The following SHISA6 variants were observed in gnomAD, a reference collection of about 807,000 sequenced individuals.
The protein encoded by SHISA6 is shisa family member 6.
A neutral mutation model predicts 47.9 loss-of-function variants in SHISA6; 22 were observed. The observed-to-expected ratio is 0.46, with a 90% CI of 0.33 to 0.66. The LOEUF is 0.66. SHISA6 is among the 30% of genes least tolerant of loss of function. The pLI is 0.02. For synonymous variants in SHISA6, 388 were observed against 337.8 expected, an observed-to-expected ratio of 1.15 and a Z score of -1.63; for missense variants, 680 against 764.6, an observed-to-expected ratio of 0.89 and a Z score of 1.30.
intron 3 of SHISA6, among the ~76,000 whole-genome samples, chr17:11,472,095 T>C (rs1606582): frequency 0.71 from 107,680 of 151,926 alleles, 38,931 homozygotes; most frequent in African/African-American, 0.85. Flanking sequence ...CACCTGTTCA[T>C]CCCCCGTTTT....
At chr17:11,357,209 TGAA>T (rs888640984) in intron 2 of SHISA6, among the ~76,000 whole-genome samples, 39 of 71,208 alleles carry the variant, frequency 5.5e-4, no homozygotes, top group South Asian at 5.1e-4. Flanking sequence ...AAAAAAAAAA[TGAA>T]GAAGAAGAAG....
Position 11,525,647 on chromosome 17 carries a change from AAAAAC to A in SHISA6, c.896-26244_896-26240del, listed in dbSNP as rs774440486. Among the ~76,000 whole-genome samples the A allele has an allele frequency of 9.3e-3, 499 of 53,416 alleles. 6 individuals carry two copies. The highest frequency in any genetic ancestry group is 0.023 in the African/African-American group (265 of 11,724). 35.0% of individuals were successfully genotyped at this position (53,416 alleles called of 152,430 possible). A position where few individuals can be genotyped will look rare whatever the true frequency, so the allele number is the denominator to read the frequency against. On this transcript the variant is annotated intron_variant, in intron 3 of 5. Coordinates refer to ENST00000441885, the MANE Select transcript of SHISA6 (RefSeq NM_207386.4). ...ACTCCGTCTCAAAAAAAAAAAAAAAAAAAACAAAAAAAAAAAAACGTGTTATAATA... is the reference window on the plus strand; with the variant it reads ...ACTCCGTCTCAAAAAAAAAAAAAAAAAAAAAAAAAAAAACGTGTTATAATA...
chr17:11,433,589 A>G (rs1914851610), intron 3 of SHISA6, among the ~76,000 whole-genome samples: 1 of 152,130 alleles, frequency 6.6e-6, no homozygotes, highest in Non-Finnish European at 1.5e-5. Flanking sequence ...GCGTTTCCTC[A>G]AGGATCTAGA....
intron 1 of SHISA6, among the ~76,000 whole-genome samples, chr17:11,253,454 A>T (rs1468628850): frequency 2.0e-5 from 3 of 152,194 alleles, no homozygotes; most frequent in East Asian, 3.8e-4. Context: ...GACAGTTGGC[A>T]TGTTAATTCC....
intron 2 of SHISA6, among the ~76,000 whole-genome samples, chr17:11,365,031 C>T (rs958929282): frequency 6.6e-5 from 10 of 152,154 alleles, no homozygotes; most frequent in African/African-American, 2.4e-4. Context: ...CTCTGAGACT[C>T]AAGTTTCCTC....
At chr17:11,491,371 G>A (rs1916472373) in intron 3 of SHISA6, among the ~76,000 whole-genome samples, 2 of 152,196 alleles carry the variant, frequency 1.3e-5, no homozygotes, top group East Asian at 1.9e-4. Context: ...GACAATCACG[G>A]CCCACTGCAG....
intron 2 of SHISA6, chr17:11,290,200 G>T (rs1004031570): frequency 6.8e-6 from 1 of 147,796 alleles, no homozygotes; most frequent in African/African-American, 2.5e-5. Context: ...CCCAATTTTG[G>T]AAATTTGTAG....
chr17:11,541,798 C>G (rs1174652533), intron 3 of SHISA6, among the ~76,000 whole-genome samples: 1 of 152,166 alleles, frequency 6.6e-6, no homozygotes, highest in Non-Finnish European at 1.5e-5. Context: ...CTCCACTTCC[C>G]TCTAACATCT....
chr17:11,286,209 A>T (rs746323884), intron 2 of SHISA6, among the ~76,000 whole-genome samples: 1 of 151,710 alleles, frequency 6.6e-6, no homozygotes, highest in Non-Finnish European at 1.5e-5. Context: ...TCTAACATCT[A>T]CCCCACAGAC....
At chr17:11,380,648 A>C (rs1286894891) in intron 3 of SHISA6, among the ~76,000 whole-genome samples, 2 of 152,202 alleles carry the variant, frequency 1.3e-5, no homozygotes, top group Non-Finnish European at 2.9e-5. Flanking sequence ...CTGTGAGACA[A>C]TTTACTCTCA....
chr17:11,379,763 G>T (rs577040408), intron 3 of SHISA6: 2 of 356,200 alleles, frequency 5.6e-6, no homozygotes, highest in Non-Finnish European at 1.0e-5. Flanking sequence ...AGATGCCGGC[G>T]GCTCCTTGTG....
intron 3 of SHISA6, among the ~76,000 whole-genome samples, chr17:11,500,600 A>C (rs2142346432): frequency 6.6e-6 from 1 of 152,332 alleles, no homozygotes; most frequent in Admixed American, 6.5e-5. Flanking sequence ...TTTGTTCAAA[A>C]GGCCAAGATA....
intron 2 of SHISA6, among the ~76,000 whole-genome samples, chr17:11,327,738 G>A (rs971164833): frequency 1.2e-4 from 18 of 152,250 alleles, no homozygotes; most frequent in East Asian, 9.6e-4. Flanking sequence ...CAGAGGTTGC[G>A]GTGAGCCAAG....
At chr17:11,285,521 TG>T (rs1375394532) in intron 2 of SHISA6, among the ~76,000 whole-genome samples, 6 of 152,202 alleles carry the variant, frequency 3.9e-5, no homozygotes, top group Non-Finnish European at 5.9e-5. Context: ...TTTTAAAAAA[TG>T]AATCCTACTG....
At chr17:11,384,271 G>T (rs1913123558) in intron 3 of SHISA6, among the ~76,000 whole-genome samples, 1 of 152,202 alleles carries the variant, frequency 6.6e-6, no homozygotes, top group African/African-American at 2.4e-5. Flanking sequence ...GATGGGCTGT[G>T]CTTCCATGGG....
intron 2 of SHISA6, among the ~76,000 whole-genome samples, chr17:11,282,547 C>T (rs1009378154): frequency 6.6e-6 from 1 of 152,166 alleles, no homozygotes. Flanking sequence ...ATCCCTCCCC[C>T]AGTCCCCCAC....
intron 2 of SHISA6, among the ~76,000 whole-genome samples, chr17:11,315,206 T>C (rs896988392): frequency 5.3e-5 from 8 of 152,238 alleles, no homozygotes; most frequent in African/African-American, 1.7e-4. Flanking sequence ...AGGCATTTTA[T>C]CATTTTTCTT....
intron 2 of SHISA6, among the ~76,000 whole-genome samples, chr17:11,370,249 C>A (rs1912591908): frequency 1.3e-5 from 2 of 152,082 alleles, no homozygotes; most frequent in South Asian, 4.1e-4. Flanking sequence ...TATTTTTAGC[C>A]ATGTAACTTT....
chr17:11,517,188 C>G (rs2071592851), intron 3 of SHISA6, among the ~76,000 whole-genome samples: 1 of 152,150 alleles, frequency 6.6e-6, no homozygotes, highest in African/African-American at 2.4e-5. Flanking sequence ...CTATGCTTTT[C>G]TCTAAAGATG....
Sources: allele counts gnomAD v4.1 joint callset (sites outside exome capture counted in the v4.1 genomes callset), GRCh38; gene constraint gnomAD v4.1.1; transcripts MANE v1.5; gene names NCBI Gene and HGNC (gene_info 2026-07-23, HGNC 2026-07-21).